SLIT2: variants seen among roughly 807,000 people sequenced by gnomAD.
SLIT2 encodes slit guidance ligand 2.
Under a neutral mutation model 185.7 loss-of-function variants are expected in SLIT2, and 41 were observed. The observed-to-expected ratio is 0.22, with a 90% CI of 0.17 to 0.29. SLIT2 has a LOEUF of 0.29. Ranked by LOEUF, SLIT2 falls within the 10% of genes least tolerant of loss-of-function variation. SLIT2 has a pLI of 1.00. For synonymous variants in SLIT2, 693 were observed against 680.2 expected (o/e 1.02, Z -0.29); for missense variants, 1,571 against 1,909.0 (o/e 0.82, Z 3.30).
chr4:20,376,452 A>G (rs2109331055), intron 4 of SLIT2, among the ~76,000 whole-genome samples: 1 of 152,148 alleles, frequency 6.6e-6, no homozygotes, highest in South Asian at 2.1e-4. Flanking sequence ...CAAAATTCGA[A>G]GTTTTGATGT....
chr4:20,356,757 C>A (rs1722356809), intron 4 of SLIT2, among the ~76,000 whole-genome samples: 1 of 152,144 alleles, frequency 6.6e-6, no homozygotes, highest in African/African-American at 2.4e-5. Context: ...TTGCCTGTGG[C>A]TGCTCAACTG....
intron 4 of SLIT2, among the ~76,000 whole-genome samples, chr4:20,344,140 G>T (rs918895640): frequency 6.6e-6 from 1 of 152,134 alleles, no homozygotes; most frequent in African/African-American, 2.4e-5. Context: ...GAGCCACCGC[G>T]CCCGGCCACA....
intron 19 of SLIT2, 111 bp downstream of exon 19, chr4:20,539,695 C>A (rs1183326016): frequency 2.9e-6 from 2 of 690,824 alleles, no homozygotes; most frequent in South Asian, 4.6e-5. Context: ...GGTTTTAGGA[C>A]TTAAAAAAGG....
chr4:20,619,505 C>G lies in SLIT2; in HGVS notation c.*496C>G, dbSNP rs1321246137. The G allele has an allele frequency of 6.6e-6, 1 of 152,146 alleles. No homozygotes were observed. Among genetic ancestry groups the G allele is most frequent in the East Asian group, 1.9e-4 (1 of 5,194 alleles). 9.4% of individuals were successfully genotyped at this position (152,146 alleles called of 1,614,324 possible). On this transcript the variant is annotated 3_prime_UTR_variant, in exon 37 of 37. Transcript: ENST00000504154. The stretch of plus-strand genomic sequence containing the variant: ...ACAAATGGATGAGAAATATTTCATG[C>G]AAAATATAAAGTGTCCTGAGGATCT...
At chr4:20,280,627 T>G (rs1714657243) in intron 4 of SLIT2, among the ~76,000 whole-genome samples, 1 of 152,058 alleles carries the variant, frequency 6.6e-6, no homozygotes, top group Non-Finnish European at 1.5e-5. Flanking sequence ...CTAAGATGTG[T>G]TCTCTCTGTT....
At chr4:20,542,350 T>A in intron 20 of SLIT2, 144 bp from the exon 21 acceptor site, 1 of 792,956 alleles carries the variant, frequency 1.3e-6, no homozygotes, top group East Asian at 2.5e-5. Flanking sequence ...CGGTATCAAT[T>A]AGTAAATACT....
At chr4:20,390,997 A>T (rs1047175061) in intron 4 of SLIT2, among the ~76,000 whole-genome samples, 1 of 151,984 alleles carries the variant, frequency 6.6e-6, no homozygotes, top group African/African-American at 2.4e-5. Flanking sequence ...CAGAATTTTA[A>T]TTTTACGGTG....
intron 4 of SLIT2, among the ~76,000 whole-genome samples, chr4:20,306,246 A>T (rs1717539937): frequency 6.6e-6 from 1 of 152,152 alleles, no homozygotes; most frequent in Non-Finnish European, 1.5e-5. Context: ...GGCATCTCTG[A>T]AGAAATGTTT....
chr4:20,554,395 A>T (rs1053384845), intron 26 of SLIT2: 2 of 456,182 alleles, frequency 4.4e-6, no homozygotes, highest in African/African-American at 4.0e-5. Context: ...GACTCGCCTT[A>T]TGTGCTGCAG....
intron 9 of SLIT2, among the ~76,000 whole-genome samples, chr4:20,492,828 TA>T (rs1482155426): frequency 3.3e-5 from 5 of 152,168 alleles, no homozygotes; most frequent in African/African-American, 1.2e-4. Flanking sequence ...TAAAGTAACT[TA>T]TCTAATGTAC....
Position 20,542,561 on chromosome 4 carries a change from C to A in SLIT2, c.2211C>A (p.Val737=). The change falls in exon 21 of 37, where the codon GTC becomes GTA. Residue 737 remains valine (V), a synonymous_variant. Transcript: ENST00000504154. ...CTGAATGTACTTGCTTGGATACAGT[C>A]GTCCGATGTAGCAACAAGGGTTTGA... ...CPTECTCLDT[V]VRCSNKGLKV... 5 of 1,613,360 alleles carry A rather than the reference C, an allele frequency of 3.1e-6. No homozygotes were observed. Among genetic ancestry groups the A allele is most frequent in the Non-Finnish European group, 4.2e-6 (5 of 1,179,570 alleles).
intron 4 of SLIT2, among the ~76,000 whole-genome samples, chr4:20,307,590 A>G (rs1323292539): frequency 2.6e-5 from 4 of 152,090 alleles, no homozygotes; most frequent in Non-Finnish European, 5.9e-5. Flanking sequence ...CATTTGATTA[A>G]TACTTGTTCA....
intron 26 of SLIT2, among the ~76,000 whole-genome samples, chr4:20,555,830 T>G (rs1724206399): frequency 6.6e-6 from 1 of 151,890 alleles, no homozygotes; most frequent in African/African-American, 2.4e-5. Context: ...AAAAACAAGA[T>G]CCCCCTTAAT....
intron 4 of SLIT2, among the ~76,000 whole-genome samples, chr4:20,401,948 A>T (rs913264228): frequency 5.3e-5 from 8 of 151,970 alleles, no homozygotes; most frequent in Admixed American, 2.0e-4. Flanking sequence ...TTAATTTTTT[A>T]AAATTTTTAT....
chr4:20,350,011 G>A (rs1721732425), intron 4 of SLIT2, among the ~76,000 whole-genome samples: 1 of 152,098 alleles, frequency 6.6e-6, no homozygotes, highest in Non-Finnish European at 1.5e-5. Context: ...CATTCTACAT[G>A]TGCATTCACA....
At chr4:20,500,071 T>C (rs1261069779) in intron 9 of SLIT2, among the ~76,000 whole-genome samples, 1 of 152,112 alleles carries the variant, frequency 6.6e-6, no homozygotes, top group Non-Finnish European at 1.5e-5. Context: ...ACAATATTGA[T>C]AAAATAAGTA....
chr4:20,491,873 A>G lies in SLIT2; in HGVS notation c.888A>G (p.Thr296=). 6.2e-7 allele frequency: 1 copy of G among 1,613,934 alleles called. No homozygotes were observed. Among genetic ancestry groups the G allele is most frequent in the Admixed American group, 1.7e-5 (1 of 60,002 alleles). ...CRGKGLTEIP[T]NLPETITEIR... is the part of the protein sequence containing the mutation. ...GGAAAGGTCTCACTGAGATCCCCAC[A>G]AATCTTCCAGAGACCATCACAGAAA... The change falls in exon 9 of 37, where the codon ACA becomes ACG. Residue 296 remains threonine, a synonymous_variant. Transcript: ENST00000504154.
intron 4 of SLIT2, among the ~76,000 whole-genome samples, chr4:20,443,386 G>T (rs1729915549): frequency 6.6e-6 from 1 of 152,044 alleles, no homozygotes; most frequent in South Asian, 2.1e-4. Flanking sequence ...AGGACTAAAA[G>T]TTCAAGGGAT....
intron 4 of SLIT2, among the ~76,000 whole-genome samples, chr4:20,425,912 C>A (rs1728524497): frequency 1.3e-5 from 2 of 152,276 alleles, no homozygotes; most frequent in African/African-American, 2.4e-5. Context: ...CTATGCCAAT[C>A]CTTTGTATGA....
Sources: gnomAD v4.1 joint callset for allele counts (sites outside exome capture counted in the v4.1 genomes callset) on GRCh38, gnomAD v4.1.1 for gene constraint, MANE v1.5 for transcripts, NCBI Gene and HGNC (gene_info 2026-07-23, HGNC 2026-07-21) for gene names.